Variants in ZFYVE26 observed in about 807,000 individuals in gnomAD.
ZFYVE26 encodes the protein zinc finger FYVE-type containing 26, also known as zinc finger FYVE domain-containing protein 26.
In ZFYVE26, 181 loss-of-function variants were observed where a neutral mutation model predicts 276.5. That is an observed-to-expected ratio of 0.65 (90% CI 0.58 to 0.74). The LOEUF (loss-of-function observed/expected upper bound fraction) is 0.74, where lower values mean the gene tolerates loss of function less well. Ranked by LOEUF, ZFYVE26 falls within the 30% of genes least tolerant of loss-of-function variation. The pLI, the probability that ZFYVE26 is intolerant of heterozygous loss-of-function variation, is 0.00. For missense variants in ZFYVE26, 2,821 were observed against 3,097.9 expected (o/e 0.91, Z 2.12); for synonymous variants, 1,129 against 1,203.1 (o/e 0.94, Z 1.27).
At chr14:67,733,589 T>A (rs1490762031) in intron 13 of ZFYVE26, among the ~76,000 whole-genome samples, 1 of 152,268 alleles carries the variant, frequency 6.6e-6, no homozygotes, top group African/African-American at 2.4e-5. Context: ...AATTTGTTTT[T>A]AAAATATTTT....
Position 67,797,696 on chromosome 14 carries a change from G to A in ZFYVE26, c.2308C>T (p.Arg770Cys), listed in dbSNP as rs760999857. ...ATRHPSLRRGRRTRRSQADGR... is the reference protein window; with the variant it reads ...ATRHPSLRRGCRTRRSQADGR... ...CCTGCCTGGCTCCTTCTTGTCCGAC[G>A]ACCCCGGCGGAGACTGGGGTGACGT... Residue 770 changes from arginine to cysteine, a missense_variant, in exon 12 of 42, where the codon CGT becomes TGT. Coordinates refer to ENST00000347230, the MANE Select transcript of ZFYVE26 (RefSeq NM_015346.4). 7.4e-6 allele frequency: 12 copies of A among 1,614,028 alleles called. No individual in the cohort carries two copies. Among genetic ancestry groups the A allele is most frequent in the African/African-American group, 6.7e-5 (5 of 74,914 alleles).
At position 67,734,512 on chromosome 14, in the gene ZFYVE26, C is replaced by A. The variant is rs79184455; in HGVS notation, n.2680-4693G>T. 1,460 of 155,084 alleles carry A rather than the reference C, an allele frequency of 9.4e-3. 32 individuals carry two copies. The highest frequency in any genetic ancestry group is 0.034 in the African/African-American group (1,409 of 41,572). The allele number at this position is 155,084 out of a possible 1,614,324, so 9.6% of individuals were successfully genotyped here. ...GAAATGGAACAAATCAGGAAACCAGCCTGCTAGTTTAGTGAGTAGCATTTC... is the reference window on the plus strand; with the variant it reads ...GAAATGGAACAAATCAGGAAACCAGACTGCTAGTTTAGTGAGTAGCATTTC... On this transcript the variant is annotated intron_variant and non_coding_transcript_variant, in intron 13 of 14. Transcript: ENST00000394455.
At chr14:67,790,837 TAGG>T (rs1255098775) in intron 14 of ZFYVE26, 64 bp from the exon 15 acceptor site, 2 of 1,471,610 alleles carry the variant, frequency 1.4e-6, no homozygotes, top group African/African-American at 2.8e-5. Flanking sequence ...TGTCCATGGA[TAGG>T]AGATCTTGCC....
chr14:67,811,766 T>C (rs1486848959), intron 3 of ZFYVE26, among the ~76,000 whole-genome samples: 1 of 149,414 alleles, frequency 6.7e-6, no homozygotes, highest in Non-Finnish European at 1.5e-5. Flanking sequence ...ATATATAACA[T>C]ATGTTAGTTT....
Position 67,755,199 on chromosome 14 carries a change from T to C in ZFYVE26, c.6838A>G (p.Lys2280Glu). Residue 2280 changes from lysine (K) to glutamate (E), a missense_variant, in exon 37 of 42, where the codon AAG becomes GAG. Coordinates refer to ENST00000347230, the MANE Select transcript of ZFYVE26 (RefSeq NM_015346.4). ...TTCTCTCCCAGTTCTGTATATGACT[T>C]TGCTTTGTGACTGAAGAACCGAATA... Reference protein sequence around the residue: ...TCIRFFSHKAKSYTELGEKLS... With the variant: ...TCIRFFSHKAESYTELGEKLS... The C allele has an allele frequency of 6.2e-7, 1 of 1,614,188 alleles. No homozygotes were observed. The highest frequency in any genetic ancestry group is 2.2e-5 in the East Asian group (1 of 44,874).
At position 67,772,052 on chromosome 14, in the gene ZFYVE26, T is replaced by C; in HGVS notation, c.5479A>G (p.Thr1827Ala). Residue 1827 changes from threonine to alanine, a missense_variant, in exon 28 of 42, where the codon ACC becomes GCC. By Grantham distance (58) the Thr-to-Ala change is moderately conservative (BLOSUM62 0). Coordinates refer to ENST00000347230, the MANE Select transcript of ZFYVE26 (RefSeq NM_015346.4). ...TGGAGACCGATGCTGCTTACCATGG[T>C]GAAGTGCTCCCTGCAGCAGACCATG... ...ICMVCCREHF[T>A]MFNRRHHCRR... The C allele has an allele frequency of 6.2e-7, 1 of 1,610,900 alleles. No homozygotes were observed. The highest frequency in any genetic ancestry group is 8.5e-7 in the Non-Finnish European group (1 of 1,179,332).
At chr14:67,777,818 T>A in intron 24 of ZFYVE26, 83 bp from the exon 25 acceptor site, 1 of 1,550,234 alleles carries the variant, frequency 6.5e-7, no homozygotes, top group Non-Finnish European at 8.9e-7. Context: ...AATAGAATAT[T>A]TAGGTTTACT....
In ZFYVE26 at chr14:67,756,095, T is replaced by C; in HGVS notation, c.6639A>G (p.Lys2213=). 6.2e-7 allele frequency: 1 copy of C among 1,614,238 alleles called. No individual in the cohort carries two copies. The highest frequency in any genetic ancestry group is 8.5e-7 in the Non-Finnish European group (1 of 1,180,034). ...TCTCCAAAGTGTGTAGCTTCCCACT[T>C]TTATAGCTTGGTTGGAAAATGCCTT... is the stretch of plus-strand genomic sequence containing the variant. ...FIEGIFQPSY[K]SGKLHTLENL... Residue 2213 remains lysine, a synonymous_variant, in exon 36 of 42, where the codon AAA becomes AAG. Coordinates refer to ENST00000347230, the MANE Select transcript of ZFYVE26 (RefSeq NM_015346.4).
intron 13 of ZFYVE26, chr14:67,733,960 C>A: frequency 1.3e-6 from 1 of 742,846 alleles, no homozygotes; most frequent in Non-Finnish European, 2.4e-6. Context: ...TGCTGCGAAT[C>A]CTGCCTGCTC....
Position 67,785,076 on chromosome 14 carries a change from C to T in ZFYVE26, c.3506G>A (p.Ser1169Asn), listed in dbSNP as rs1763355078. 2 of 1,614,190 alleles carry T rather than the reference C, an allele frequency of 1.2e-6. No individual in the cohort carries two copies. The highest frequency in any genetic ancestry group is 1.7e-6 in the Non-Finnish European group (2 of 1,180,038). The part of the protein sequence containing the change: ...CSTLAAVLLQ[S>N]LSSEPDHVEV... Reference sequence around the variant, plus strand: ...CTACCTACCAGGCTCAGAGCTCAAACTTTGAAGGAGAACTGCAGCAAGGGT... The same window carrying T: ...CTACCTACCAGGCTCAGAGCTCAAATTTTGAAGGAGAACTGCAGCAAGGGT... Residue 1169 changes from serine to asparagine, a missense_variant, in exon 19 of 42, where the codon AGT becomes AAT. Transcript: ENST00000347230.
chr14:67,809,326 T>A, intron 3 of ZFYVE26, 37 bp from the exon 4 acceptor site: 6 of 1,354,298 alleles, frequency 4.4e-6, no homozygotes, highest in Non-Finnish European at 6.3e-6. Context: ...AGAGATGAGA[T>A]ATATGTTTTA....
At chr14:67,795,278 G>A (rs1231662047) in intron 12 of ZFYVE26, among the ~76,000 whole-genome samples, 1 of 152,150 alleles carries the variant, frequency 6.6e-6, no homozygotes, top group Non-Finnish European at 1.5e-5. Flanking sequence ...GCAGCTTAAG[G>A]GACTTAGCAA....
At position 67,779,496 on chromosome 14, in the gene ZFYVE26, A is replaced by T. The variant is rs545760746; in HGVS notation, c.4674+745T>A. On this transcript the variant is annotated intron_variant, in intron 23 of 41. Coordinates refer to ENST00000347230, the MANE Select transcript of ZFYVE26 (RefSeq NM_015346.4). Reference sequence around the variant, plus strand: ...AGAATCATCTGAACCCGGGAGGCGGAGGTTGCAGTGAGCCAAGATTGCGCC... The same window carrying T: ...AGAATCATCTGAACCCGGGAGGCGGTGGTTGCAGTGAGCCAAGATTGCGCC... Among the ~76,000 whole-genome samples, 3 of 152,300 alleles carry T rather than the reference A, an allele frequency of 2.0e-5. No individual in the cohort carries two copies. In the East Asian group the frequency reaches 5.8e-4, roughly 29 times the overall value.
chr14:67,735,082 C>G, intron 13 of ZFYVE26: 1 of 720,974 alleles, frequency 1.4e-6, no homozygotes, highest in East Asian at 2.5e-5. Context: ...CACCAAATAT[C>G]GGGAAGCTGA....
intron 16 of ZFYVE26, 26 bp from the exon 17 acceptor site, chr14:67,786,259 A>G: frequency 2.5e-6 from 4 of 1,587,714 alleles, no homozygotes; most frequent in Non-Finnish European, 3.4e-6. Context: ...GGAAGAGGGA[A>G]TGCAAAAAAA....
chr14:67,796,076 AG>A (rs1161924442), intron 12 of ZFYVE26: 2 of 152,206 alleles, frequency 1.3e-5, no homozygotes, highest in South Asian at 2.1e-4. Context: ...AAATAATAGG[AG>A]GGAGAGAAGG....
chr14:67,798,799 A>T (rs7159622), intron 10 of ZFYVE26, among the ~76,000 whole-genome samples, 177 bp from the exon 11 acceptor site: 1 of 152,114 alleles, frequency 6.6e-6, no homozygotes, highest in African/African-American at 2.4e-5. Context: ...GATGTCTTTT[A>T]ATGATTTGCA....
chr14:67,799,231 G>T, intron 10 of ZFYVE26: 1 of 1,613,336 alleles, frequency 6.2e-7, no homozygotes, highest in African/African-American at 1.3e-5. Context: ...AGGCCTATCT[G>T]GACTTCAAGG....
chr14:67,783,407 G>T lies in ZFYVE26; in HGVS notation c.3745C>A (p.Leu1249Ile), dbSNP rs973180786. 5 of 1,614,220 alleles carry T rather than the reference G, an allele frequency of 3.1e-6. No homozygotes were observed. Among genetic ancestry groups the T allele is most frequent in the Non-Finnish European group, 4.2e-6 (5 of 1,180,046 alleles). Residue 1249 changes from leucine (L) to isoleucine (I), a missense_variant, in exon 21 of 42, where the codon CTC (leucine) becomes ATC (isoleucine). Leu to Ile is a conservative substitution (Grantham distance 5, BLOSUM62 2). Transcript: ENST00000347230. ...GCCAGAGTACCCAGACGAGTCAGGA[G>T]GGAGGAGGTCTGCTGGCTTTGCCGG... ...SSRQSQQTSS[L>I]LTRLGTLAQL...
Sources: gnomAD v4.1 joint callset for allele counts (sites outside exome capture counted in the v4.1 genomes callset) on GRCh38, gnomAD v4.1.1 for gene constraint, MANE v1.5 for transcripts, NCBI Gene and HGNC (gene_info 2026-07-23, HGNC 2026-07-21) for gene names.